The following FHIT variants were observed in gnomAD, a reference collection of about 807,000 sequenced individuals.
FHIT encodes fragile histidine triad diadenosine triphosphatase, also known as bis(5'-adenosyl)-triphosphatase.
Under a neutral mutation model 17.9 loss-of-function variants are expected in FHIT, and 19 were observed. That is an observed-to-expected ratio of 1.06 (90% CI 0.74 to 1.56). The LOEUF (loss-of-function observed/expected upper bound fraction) is 1.56, where lower values mean the gene tolerates loss of function less well. Among genes scored for constraint, FHIT ranks in the 40% most tolerant of loss-of-function variants. The pLI, the probability that FHIT is intolerant of heterozygous loss-of-function variation, is 0.00. For synonymous variants in FHIT, 81 were observed against 69.7 expected (o/e 1.16, Z -0.81); for missense variants, 248 against 189.2 (o/e 1.31, Z -1.82).
intron 5 of FHIT, among the ~76,000 whole-genome samples, chr3:60,276,882 G>C (rs1707167874): frequency 6.6e-6 from 1 of 152,044 alleles, no homozygotes; most frequent in African/African-American, 2.4e-5. Flanking sequence ...CACAGACTGA[G>C]AACAAACTCA....
At chr3:60,880,942 C>A (rs1180021459) in intron 3 of FHIT, among the ~76,000 whole-genome samples, 1 of 152,108 alleles carries the variant, frequency 6.6e-6, no homozygotes, top group Non-Finnish European at 1.5e-5. Context: ...CAATAATAAC[C>A]TTGAATGTTA....
chr3:60,121,885 G>A (rs1705273809), intron 5 of FHIT, among the ~76,000 whole-genome samples: 1 of 151,994 alleles, frequency 6.6e-6, no homozygotes, highest in Admixed American at 6.6e-5. Context: ...AATTCTATGA[G>A]ACATTTCACA....
intron 5 of FHIT, among the ~76,000 whole-genome samples, chr3:60,252,827 TAAAAAAAAATAC>T (rs1246357577): frequency 1.4e-4 from 21 of 149,004 alleles, no homozygotes; most frequent in Non-Finnish European, 2.5e-4. Flanking sequence ...CTTCTCAACT[TAAAAAAAAATAC>T]AAAAAAAAAT....
chr3:60,591,735 T>C (rs2038091982), intron 4 of FHIT, among the ~76,000 whole-genome samples: 1 of 152,076 alleles, frequency 6.6e-6, no homozygotes, highest in Non-Finnish European at 1.5e-5. Context: ...CTTTAGTTTG[T>C]TCGTTCAAAT....
intron 7 of FHIT, among the ~76,000 whole-genome samples, chr3:59,986,513 A>ATT (rs1559523273): frequency 0.24 from 1,470 of 6,144 alleles, 114 homozygotes; most frequent in Admixed American, 0.36. Flanking sequence ...ATATATATAT[A>ATT]TATATATATA....
intron 4 of FHIT, among the ~76,000 whole-genome samples, chr3:60,680,801 T>C (rs1392436471): frequency 2.0e-5 from 3 of 152,208 alleles, no homozygotes; most frequent in African/African-American, 7.2e-5. Context: ...TGAGCCACAC[T>C]TGGCCACCAG....
intron 5 of FHIT, among the ~76,000 whole-genome samples, chr3:60,133,177 G>C (rs1438109455): frequency 6.6e-6 from 1 of 152,068 alleles, no homozygotes; most frequent in Admixed American, 6.6e-5. Flanking sequence ...GAAGACATGG[G>C]CTGGTGCTGA....
intron 2 of FHIT, among the ~76,000 whole-genome samples, chr3:61,147,015 C>A (rs1465794702): frequency 1.3e-5 from 2 of 151,948 alleles, no homozygotes; most frequent in East Asian, 3.8e-4. Flanking sequence ...GGAAATAAAT[C>A]CCATACTGAC....
At chr3:60,290,986 C>CTTGA (rs1286843975) in intron 5 of FHIT, among the ~76,000 whole-genome samples, 10 of 152,080 alleles carry the variant, frequency 6.6e-5, no homozygotes, top group African/African-American at 2.2e-4. Flanking sequence ...TTAGCTTTTA[C>CTTGA]TTGATACTAG....
At chr3:60,166,808 G>C (rs559127181) in intron 5 of FHIT, among the ~76,000 whole-genome samples, 3 of 152,234 alleles carry the variant, frequency 2.0e-5, no homozygotes, top group South Asian at 4.1e-4. Context: ...GAGCTTAAGG[G>C]AGTGCCCTGC....
At chr3:60,076,983 G>T (rs1448612165) in intron 5 of FHIT, among the ~76,000 whole-genome samples, 2 of 152,042 alleles carry the variant, frequency 1.3e-5, no homozygotes, top group Admixed American at 1.3e-4. Context: ...GCAAAGGAGA[G>T]TTGGACTGTA....
chr3:59,938,455 G>C (rs1706350719), intron 7 of FHIT, among the ~76,000 whole-genome samples: 1 of 152,100 alleles, frequency 6.6e-6, no homozygotes, highest in African/African-American at 2.4e-5. Flanking sequence ...CAGATTTGTA[G>C]GAAGAACCAG....
At chr3:61,029,896 A>G (rs1023900520) in intron 3 of FHIT, among the ~76,000 whole-genome samples, 1 of 152,202 alleles carries the variant, frequency 6.6e-6, no homozygotes, top group Non-Finnish European at 1.5e-5. Context: ...GTAAAGAGCT[A>G]TCACCTAGGA....
intron 8 of FHIT, among the ~76,000 whole-genome samples, chr3:59,864,296 A>T (rs1201845114): frequency 1.3e-5 from 2 of 152,142 alleles, no homozygotes; most frequent in Non-Finnish European, 2.9e-5. Context: ...TTCTTTCGAT[A>T]GTGAAGAAGT....
chr3:61,102,426 C>A (rs570921126), intron 2 of FHIT, among the ~76,000 whole-genome samples: 1 of 152,108 alleles, frequency 6.6e-6, no homozygotes, highest in East Asian at 1.9e-4. Context: ...GGTGGATAGG[C>A]TTTTTGATGT....
At chr3:60,698,288 C>T (rs1474187141) in intron 4 of FHIT, among the ~76,000 whole-genome samples, 5 of 147,134 alleles carry the variant, frequency 3.4e-5, no homozygotes, top group African/African-American at 5.4e-5. Context: ...TGACATTCTA[C>T]ACCACTCCAT....
At chr3:60,527,787 C>T (rs1223486689) in intron 5 of FHIT, among the ~76,000 whole-genome samples, 2 of 152,182 alleles carry the variant, frequency 1.3e-5, no homozygotes, top group African/African-American at 4.8e-5. Context: ...GGGAGAAGAA[C>T]TTCTCAGGAC....
intron 8 of FHIT, among the ~76,000 whole-genome samples, chr3:59,796,832 G>A (rs909536773): frequency 6.6e-6 from 1 of 151,994 alleles, no homozygotes; most frequent in Non-Finnish European, 1.5e-5. Context: ...TAGAGGCGTG[G>A]GTGTCACATA....
At chr3:60,421,982 T>C (rs1176841318) in intron 5 of FHIT, among the ~76,000 whole-genome samples, 1 of 152,044 alleles carries the variant, frequency 6.6e-6, no homozygotes, top group Non-Finnish European at 1.5e-5. Flanking sequence ...AGATTAGAGA[T>C]TGATTTTTAG....
Sources: gnomAD v4.1 joint callset for allele counts (sites outside exome capture counted in the v4.1 genomes callset) on GRCh38, gnomAD v4.1.1 for gene constraint, MANE v1.5 for transcripts, NCBI Gene and HGNC (gene_info 2026-07-23, HGNC 2026-07-21) for gene names.